UCMA: variants seen among roughly 807,000 people sequenced by gnomAD.
UCMA encodes the protein upper zone of growth plate and cartilage matrix-associated protein.
A neutral mutation model predicts 21.8 loss-of-function variants in UCMA; 21 were observed. That is an observed-to-expected ratio of 0.97 (90% CI 0.68 to 1.39). The LOEUF is 1.39. Among genes scored for constraint, UCMA ranks in the 40% most tolerant of loss-of-function variants. The pLI, the probability that UCMA is intolerant of heterozygous loss-of-function variation, is 0.00. For synonymous variants in UCMA, 76 were observed against 67.9 expected, an observed-to-expected ratio of 1.12 and a Z score of -0.58; for missense variants, 193 against 178.9, an observed-to-expected ratio of 1.08 and a Z score of -0.45.
chr10:13,221,811 T>C lies in UCMA; in HGVS notation c.*292A>G, dbSNP rs1167468095. On this transcript the variant is annotated 3_prime_UTR_variant, in exon 5 of 5. Transcript: ENST00000378681. Reference sequence around the variant, plus strand: ...TGTAAGCCATAAGCAAACATGTGATTCTTGACTGATTCTTTTGCTTGGGAA... The same window carrying C: ...TGTAAGCCATAAGCAAACATGTGATCCTTGACTGATTCTTTTGCTTGGGAA... The C allele has an allele frequency of 9.9e-6, 4 of 404,780 alleles. No individual in the cohort carries two copies. The highest frequency in any genetic ancestry group is 8.2e-5 in the African/African-American group (4 of 48,992). The allele number at this position is 404,780 out of a possible 1,614,324, so 25.1% of individuals were successfully genotyped here. A position where few individuals can be genotyped will look rare whatever the true frequency, so the allele number is the denominator to read the frequency against.
chr10:13,225,767 G>A (rs1433668010), intron 4 of UCMA, among the ~76,000 whole-genome samples: 1 of 152,094 alleles, frequency 6.6e-6, no homozygotes, highest in African/African-American at 2.4e-5. Flanking sequence ...GGGCCTCAGG[G>A]GAGGGCTTGG....
intron 4 of UCMA, among the ~76,000 whole-genome samples, chr10:13,225,858 G>T (rs1038361035): frequency 6.6e-6 from 1 of 151,944 alleles, no homozygotes; most frequent in African/African-American, 2.4e-5. Context: ...CACAGGCAAC[G>T]GAGAGGAAAG....
intron 3 of UCMA, among the ~76,000 whole-genome samples, chr10:13,230,551 G>A (rs374997056): frequency 9.2e-5 from 14 of 152,166 alleles, no homozygotes; most frequent in African/African-American, 2.4e-4. Context: ...CCCTCAGCAC[G>A]CCTCACGATC....
chr10:13,223,406 T>C (rs3886695), intron 4 of UCMA, among the ~76,000 whole-genome samples: 1 of 152,070 alleles, frequency 6.6e-6, no homozygotes, highest in African/African-American at 2.4e-5. Context: ...GTGGTGTGTA[T>C]GTGTAAAATT....
intron 4 of UCMA, 46 bp from the exon 5 acceptor site, chr10:13,222,246 A>G (rs746922584): frequency 6.5e-7 from 1 of 1,538,268 alleles, no homozygotes. Context: ...GGGGACTCTG[A>G]CCTGCCACTG....
At chr10:13,223,527 T>C (rs1031836738) in intron 4 of UCMA, among the ~76,000 whole-genome samples, 10 of 152,136 alleles carry the variant, frequency 6.6e-5, no homozygotes, top group Admixed American at 1.3e-4. Flanking sequence ...AATGTATGAT[T>C]CCACTTAGAT....
chr10:13,233,742 C>A lies in UCMA; in HGVS notation c.117G>T (p.Ala39=), dbSNP rs376911016. Residue 39 remains alanine, a synonymous_variant, in exon 2 of 5, where the codon GCG becomes GCT. Transcript: ENST00000378681. ...GGTGGCCCCTGCACTCACCTTCACT[C>A]GCCTCTTCTCCCGCCATCTGCATGG... ...VGTMQMAGEE[A]SEDAKQKIFM... is the part of the protein sequence containing the mutation. 6.2e-7 allele frequency: 1 copy of A among 1,614,040 alleles called. No individual in the cohort carries two copies. The highest frequency in any genetic ancestry group is 2.2e-5 in the East Asian group (1 of 44,860).
At chr10:13,230,913 C>T (rs1055029510) in intron 3 of UCMA, among the ~76,000 whole-genome samples, 1 of 152,112 alleles carries the variant, frequency 6.6e-6, no homozygotes, top group African/African-American at 2.4e-5. Context: ...AACAATTAGC[C>T]AGGCGTGGTG....
intron 3 of UCMA, among the ~76,000 whole-genome samples, chr10:13,232,496 C>G: frequency 6.6e-6 from 1 of 152,208 alleles, no homozygotes; most frequent in Admixed American, 6.5e-5. Context: ...AGTCCAGCCC[C>G]CCTCCCAACC....
intron 3 of UCMA, among the ~76,000 whole-genome samples, chr10:13,232,371 C>CAAAA (rs34527224): frequency 1.1e-4 from 8 of 69,584 alleles, no homozygotes; most frequent in African/African-American, 1.7e-4. Context: ...GACTCCATCT[C>CAAAA]AAAAAAAAAA....
chr10:13,232,942 TAA>T (rs5783320), intron 3 of UCMA, among the ~76,000 whole-genome samples: 2 of 146,194 alleles, frequency 1.4e-5, no homozygotes, highest in Admixed American at 6.8e-5. Context: ...AATGAAAACT[TAA>T]AAAAAAAAAA....
At chr10:13,225,194 C>T (rs1376274753) in intron 4 of UCMA, among the ~76,000 whole-genome samples, 1 of 152,124 alleles carries the variant, frequency 6.6e-6, no homozygotes, top group Non-Finnish European at 1.5e-5. Flanking sequence ...GCTGGGACTA[C>T]AGGCATGCAC....
In UCMA at chr10:13,234,199, A is replaced by C; in HGVS notation, c.58+2T>G. 6.2e-7 allele frequency: 1 copy of C among 1,612,722 alleles called. No individual in the cohort carries two copies. Among genetic ancestry groups the C allele is most frequent in the Non-Finnish European group, 8.5e-7 (1 of 1,179,720 alleles). On this transcript the variant is annotated splice_donor_variant, in intron 1 of 4. Transcript: ENST00000378681. LOFTEE classifies it high-confidence loss of function. Reference sequence around the variant, plus strand: ...CCTCCACCTTGACCCTCCTGTACTCACTAGACAGGAGCACCACGGCGGAGA... The same window carrying C: ...CCTCCACCTTGACCCTCCTGTACTCCCTAGACAGGAGCACCACGGCGGAGA...
At chr10:13,232,942 TA>T (rs5783320) in intron 3 of UCMA, among the ~76,000 whole-genome samples, 20,237 of 146,148 alleles carry the variant, frequency 0.14, 1,594 homozygotes, top group East Asian at 0.33. Flanking sequence ...AATGAAAACT[TA>T]AAAAAAAAAA....
chr10:13,232,601 T>TA (rs1564404817), intron 3 of UCMA, among the ~76,000 whole-genome samples: 2 of 152,080 alleles, frequency 1.3e-5, no homozygotes, highest in African/African-American at 2.4e-5. Context: ...CAATTTTTTT[T>TA]AAAAAAAGAA....
intron 4 of UCMA, among the ~76,000 whole-genome samples, chr10:13,222,529 A>C (rs1834771285): frequency 6.6e-6 from 1 of 152,216 alleles, no homozygotes; most frequent in Admixed American, 6.5e-5. Context: ...CACAAGACGA[A>C]AAAGTAACAA....
Position 13,229,591 on chromosome 10 carries a change from ACTGGCTGAAGAGC to A in UCMA, c.319+7_319+19del, listed in dbSNP as rs1323033601. 1 of 1,608,456 alleles carries A rather than the reference ACTGGCTGAAGAGC, an allele frequency of 6.2e-7. No homozygotes were observed. The highest frequency in any genetic ancestry group is 1.7e-5 in the Admixed American group (1 of 59,816). On this transcript the variant is annotated splice_region_variant and intron_variant, in intron 4 of 4. Transcript: ENST00000378681. The stretch of plus-strand genomic sequence containing the variant: ...CCCAACGCTCCACCTCCCTGAAGAC[ACTGGCTGAAGAGC>A]TCTTACCATCGTTTTGTTCCTCCAC...
At chr10:13,222,714 G>A (rs1018605830) in intron 4 of UCMA, among the ~76,000 whole-genome samples, 14 of 151,354 alleles carry the variant, frequency 9.2e-5, no homozygotes, top group African/African-American at 2.2e-4. Context: ...GTTTTGAGAC[G>A]GGGTCTCAGT....
chr10:13,223,142 C>T (rs936062338), intron 4 of UCMA, among the ~76,000 whole-genome samples: 3 of 150,950 alleles, frequency 2.0e-5, no homozygotes, highest in African/African-American at 4.9e-5. Context: ...ATGAGAATCA[C>T]TTGAACCTGG....
Sources: gnomAD v4.1 joint callset for allele counts (sites outside exome capture counted in the v4.1 genomes callset) on GRCh38, gnomAD v4.1.1 for gene constraint, MANE v1.5 for transcripts, NCBI Gene and HGNC (gene_info 2026-07-23, HGNC 2026-07-21) for gene names.